The following SUPT5H variants were observed in gnomAD, a reference collection of about 807,000 sequenced individuals.
SUPT5H encodes the protein SPT5 homolog, DSIF elongation factor subunit.
Under a neutral mutation model 142.5 loss-of-function variants are expected in SUPT5H, and 24 were observed. The ratio of observed to expected loss-of-function variants is 0.17; its 90% CI spans 0.12 to 0.24. SUPT5H has a LOEUF of 0.24. Among genes scored for constraint, SUPT5H ranks in the 10% least tolerant of loss-of-function variants. The pLI is 1.00. For synonymous variants in SUPT5H, 546 were observed against 553.0 expected (o/e 0.99, Z 0.18); for missense variants, 893 against 1,471.8 (o/e 0.61, Z 6.43).
chr19:39,454,738 A>G lies in SUPT5H; in HGVS notation c.241+1217A>G, dbSNP rs535621201. Among the ~76,000 whole-genome samples the G allele has an allele frequency of 1.3e-4, 20 of 152,304 alleles. No homozygotes were observed. In the East Asian group the frequency reaches 3.9e-3, roughly 29 times the overall value. On this transcript the variant is annotated intron_variant, in intron 3 of 29. Coordinates refer to ENST00000432763, the MANE Select transcript of SUPT5H (RefSeq NM_001111020.3). ...ACTTCCATGATGATAATGAATGTGCATGTTTTCCCTTACCTATGGGAAGAG... is the reference window on the plus strand; with the variant it reads ...ACTTCCATGATGATAATGAATGTGCGTGTTTTCCCTTACCTATGGGAAGAG...
chr19:39,458,430 C>T lies in SUPT5H; in HGVS notation c.319+125C>T. On this transcript the variant is annotated intron_variant, in intron 5 of 29. Transcript: ENST00000432763. The surrounding 1 kb of genome is among the most constrained non-coding windows in gnomAD (Gnocchi z 4.2). ...CCCGGTCTGGCCCTGAGGGCTCTGA[C>T]CCATGTAGGATCCAGAGTCAGGGAG... 1 of 1,520,198 alleles carries T rather than the reference C, an allele frequency of 6.6e-7. No individual in the cohort carries two copies. Among genetic ancestry groups the T allele is most frequent in the Non-Finnish European group, 8.9e-7 (1 of 1,125,216 alleles). 94.2% of individuals were successfully genotyped at this position (1,520,198 alleles called of 1,614,324 possible).
intron 3 of SUPT5H, among the ~76,000 whole-genome samples, chr19:39,456,563 G>A (rs772047493): frequency 4.6e-5 from 7 of 151,596 alleles, no homozygotes; most frequent in Admixed American, 1.3e-4. Context: ...GATTACAGGC[G>A]CCCACCACCA....
chr19:39,472,689 T>G lies in SUPT5H; in HGVS notation c.2036-121T>G, dbSNP rs1600724927. The G allele has an allele frequency of 1.4e-6, 2 of 1,457,092 alleles. No individual in the cohort carries two copies. Among genetic ancestry groups the G allele is most frequent in the Non-Finnish European group, 9.2e-7 (1 of 1,092,254 alleles). The allele number at this position is 1,457,092 out of a possible 1,614,324, so 90.3% of individuals were successfully genotyped here. ...CCATAGGAAAGCCATGGGGCAGGGG[T>G]GGGCAGAGGAGGCTCTTAACCCAAG... On this transcript the variant is annotated intron_variant, in intron 21 of 29. Coordinates refer to ENST00000432763, the MANE Select transcript of SUPT5H (RefSeq NM_001111020.3). The surrounding 1 kb of genome is among the most constrained non-coding windows in gnomAD (Gnocchi z 4.2).
intron 13 of SUPT5H, chr19:39,467,044 AAAT>A (rs1242445862): frequency 1.2e-4 from 30 of 246,550 alleles, no homozygotes; most frequent in Non-Finnish European, 1.8e-4. Context: ...CCATCTTTTA[AAAT>A]AATAATAATA....
In SUPT5H at chr19:39,473,889, G is replaced by C. The variant is rs2079362141; in HGVS notation, c.2493-74G>C. The C allele has an allele frequency of 6.3e-7, 1 of 1,597,658 alleles. No individual in the cohort carries two copies. Among genetic ancestry groups the C allele is most frequent in the Non-Finnish European group, 8.6e-7 (1 of 1,166,236 alleles). On this transcript the variant is annotated intron_variant, in intron 25 of 29. Transcript: ENST00000432763. The surrounding 1 kb of genome is among the most constrained non-coding windows in gnomAD (Gnocchi z 5.8). ...TGAAATTGCTTCAGTTGGGGGTCTG[G>C]TGTAGGGTGCTGTTCTGGAAGCATC...
chr19:39,476,655 G>T lies in SUPT5H; in HGVS notation c.*256G>T. 1 of 492,568 alleles carries T rather than the reference G, an allele frequency of 2.0e-6. No individual in the cohort carries two copies. The highest frequency in any genetic ancestry group is 3.7e-6 in the Non-Finnish European group (1 of 271,530). 30.5% of individuals were successfully genotyped at this position (492,568 alleles called of 1,614,324 possible). On this transcript the variant is annotated 3_prime_UTR_variant, in exon 30 of 30. Coordinates refer to ENST00000432763, the MANE Select transcript of SUPT5H (RefSeq NM_001111020.3). The stretch of plus-strand genomic sequence containing the variant: ...TTGTACCGTCTTTCAATAAAAAGAA[G>T]CTGTTTGGTCTAAAAGTGCGTGTGT...
rs960229847 is a variant in SUPT5H at position 39,476,478 on chromosome 19, C to G, written c.*79C>G. Reference sequence around the variant, plus strand: ...CTGGCCCTTGGCTGTGACACAAGATCCTCCTGCAGGGCTAGGCGGATTGTT... The same window carrying G: ...CTGGCCCTTGGCTGTGACACAAGATGCTCCTGCAGGGCTAGGCGGATTGTT... On this transcript the variant is annotated 3_prime_UTR_variant, in exon 30 of 30. Transcript: ENST00000432763. The G allele has an allele frequency of 6.4e-7, 1 of 1,558,856 alleles. No homozygotes were observed. The highest frequency in any genetic ancestry group is 1.4e-5 in the African/African-American group (1 of 73,688).
intron 9 of SUPT5H, 40 bp downstream of exon 9, chr19:39,459,629 A>G (rs746862455): frequency 4.3e-6 from 7 of 1,612,656 alleles, no homozygotes; most frequent in Non-Finnish European, 5.9e-6. Flanking sequence ...AGGTGGGAGA[A>G]TGAGGGAGGC....
Position 39,473,881 on chromosome 19 carries a change from G to A in SUPT5H, c.2493-82G>A. On this transcript the variant is annotated intron_variant, in intron 25 of 29. Transcript: ENST00000432763. This position sits in a 1 kb window ranked among gnomAD's most constrained non-coding sequence, Gnocchi z 5.8. ...CGTGAGAATGAAATTGCTTCAGTTG[G>A]GGGTCTGGTGTAGGGTGCTGTTCTG... The A allele has an allele frequency of 6.3e-7, 1 of 1,581,474 alleles. No individual in the cohort carries two copies. The highest frequency in any genetic ancestry group is 8.7e-7 in the Non-Finnish European group (1 of 1,152,528).
At chr19:39,456,005 C>T (rs548221172) in intron 3 of SUPT5H, among the ~76,000 whole-genome samples, 9 of 145,626 alleles carry the variant, frequency 6.2e-5, no homozygotes, top group Non-Finnish European at 1.3e-4. Flanking sequence ...CGGCTCACTG[C>T]AACCTCTGCC....
intron 10 of SUPT5H, among the ~76,000 whole-genome samples, chr19:39,463,557 G>A (rs1348730125): frequency 3.9e-5 from 6 of 152,200 alleles, no homozygotes; most frequent in Non-Finnish European, 8.8e-5. Flanking sequence ...ATATGCCCTT[G>A]AGAAGAAAGT....
rs2079231572 is a variant in SUPT5H, at chr19:39,466,123, G to A, written c.877-357G>A. Among the ~76,000 whole-genome samples the A allele has an allele frequency of 6.6e-6, 1 of 152,188 alleles. No homozygotes were observed. The highest frequency in any genetic ancestry group is 2.1e-4 in the South Asian group (1 of 4,828). On this transcript the variant is annotated intron_variant, in intron 11 of 29. Coordinates refer to ENST00000432763, the MANE Select transcript of SUPT5H (RefSeq NM_001111020.3). The surrounding 1 kb of genome is among the most constrained non-coding windows in gnomAD (Gnocchi z 4.3). ...CTGATGGAATTTGCCAACGGGTCGGGTGTGGGTGTAAGAGAAACAAAGGAG... is the reference window on the plus strand; with the variant it reads ...CTGATGGAATTTGCCAACGGGTCGGATGTGGGTGTAAGAGAAACAAAGGAG...
chr19:39,472,701 G>C lies in SUPT5H; in HGVS notation c.2036-109G>C. ...CATGGGGCAGGGGTGGGCAGAGGAG[G>C]CTCTTAACCCAAGTAGGGAGGAGTC... On this transcript the variant is annotated intron_variant, in intron 21 of 29. Coordinates refer to ENST00000432763, the MANE Select transcript of SUPT5H (RefSeq NM_001111020.3). The surrounding 1 kb of genome is among the most constrained non-coding windows in gnomAD (Gnocchi z 4.2). 6.8e-7 allele frequency: 1 copy of C among 1,479,180 alleles called. No individual in the cohort carries two copies. The highest frequency in any genetic ancestry group is 1.3e-5 in the South Asian group (1 of 74,732). 91.6% of individuals were successfully genotyped at this position (1,479,180 alleles called of 1,614,324 possible).
rs1600727044 is a variant in SUPT5H, at chr19:39,474,003, A to C, written c.2533A>C (p.Thr845Pro). ...EYEYAFDDEP[T>P]PSPQAYGGTP... ...TGAGTATGCTTTCGATGATGAGCCC[A>C]CCCCGTCCCCGCAGGCCTATGGGGG... is the stretch of plus-strand genomic sequence containing the variant. The change falls in exon 26 of 30, where the codon ACC (threonine) becomes CCC (proline). Residue 845 changes from threonine (T) to proline (P), a missense_variant. Physicochemically the swap from Thr to Pro is conservative, Grantham distance 38. Coordinates refer to ENST00000432763, the MANE Select transcript of SUPT5H (RefSeq NM_001111020.3). The surrounding 1 kb of genome is among the most constrained non-coding windows in gnomAD (Gnocchi z 6.5). 1 of 1,613,810 alleles carries C rather than the reference A, an allele frequency of 6.2e-7. No individual in the cohort carries two copies. Among genetic ancestry groups the C allele is most frequent in the Non-Finnish European group, 8.5e-7 (1 of 1,179,906 alleles).
Position 39,465,063 on chromosome 19 carries a change from G to T in SUPT5H, c.876+14G>T. 1 of 1,606,180 alleles carries T rather than the reference G, an allele frequency of 6.2e-7. No individual in the cohort carries two copies. Among genetic ancestry groups the T allele is most frequent in the Admixed American group, 1.7e-5 (1 of 59,770 alleles). ...GACATTGCTCAGGTGCCCGGGGCGG[G>T]GTGGCATGGGGGTCAGGGTCCCTCC... On this transcript the variant is annotated intron_variant, in intron 11 of 29. Transcript: ENST00000432763.
chr19:39,446,529 C>T (rs1213050836), intron 2 of SUPT5H, among the ~76,000 whole-genome samples: 1 of 152,084 alleles, frequency 6.6e-6, no homozygotes, highest in African/African-American at 2.4e-5. Context: ...GGGAGTGAGT[C>T]GTGGTTAGCT....
chr19:39,455,842 C>T (rs766457285), intron 3 of SUPT5H, among the ~76,000 whole-genome samples: 3 of 150,250 alleles, frequency 2.0e-5, no homozygotes, highest in East Asian at 2.0e-4. Flanking sequence ...AGGCTGGTCT[C>T]GAACTCCTGA....
intron 4 of SUPT5H, 183 bp downstream of exon 4, chr19:39,457,923 G>C: frequency 8.9e-7 from 1 of 1,126,300 alleles, no homozygotes; most frequent in East Asian, 2.6e-5. Flanking sequence ...CCCATGAGTG[G>C]GGGGTGGGGC....
Position 39,474,268 on chromosome 19 carries a change from C to A in SUPT5H, c.2686C>A (p.Pro896Thr). 1.2e-6 allele frequency: 2 copies of A among 1,614,078 alleles called. No individual in the cohort carries two copies. Among genetic ancestry groups the A allele is most frequent in the Non-Finnish European group, 1.7e-6 (2 of 1,179,990 alleles). Residue 896 changes from proline to threonine, a missense_variant, in exon 27 of 30, where the codon CCC becomes ACC. Around this residue, in one of 6 missense-constraint regions of SUPT5H, gnomAD observed 336 missense variants for 546.5 expected, o/e 0.61. Coordinates refer to ENST00000432763, the MANE Select transcript of SUPT5H (RefSeq NM_001111020.3). This position sits in a 1 kb window ranked among gnomAD's most constrained non-coding sequence, Gnocchi z 6.5. ...AGACCAGTTCTCTCCCTATGCTGCCCCCTCCCCACAAGGTTCCTACCAGCC... is the reference window on the plus strand; with the variant it reads ...AGACCAGTTCTCTCCCTATGCTGCCACCTCCCCACAAGGTTCCTACCAGCC... The part of the protein sequence containing the change: ...NTDQFSPYAA[P>T]SPQGSYQPSP...
Sources: gnomAD v4.1 joint callset for allele counts (sites outside exome capture counted in the v4.1 genomes callset) on GRCh38, gnomAD v4.1.1 for gene constraint, gnomAD v4.1.1 regional missense constraint, Gnocchi (gnomAD v3.1) non-coding constraint, MANE v1.5 for transcripts, NCBI Gene and HGNC (gene_info 2026-07-23, HGNC 2026-07-21) for gene names.